MMP17: variants seen among roughly 807,000 people sequenced by gnomAD.
MMP17 encodes matrix metalloproteinase-17.
In MMP17, 54 loss-of-function variants were observed where a neutral mutation model predicts 49.1. The ratio of observed to expected loss-of-function variants is 1.10; its 90% CI spans 0.88 to 1.38. The LOEUF is 1.38. Among genes scored for constraint, MMP17 ranks in the 40% most tolerant of loss-of-function variants. The pLI is 0.00. For missense variants in MMP17, 837 were observed against 853.7 expected (o/e 0.98, Z 0.24); for synonymous variants, 397 against 383.1 (o/e 1.04, Z -0.42).
intron 3 of MMP17, chr12:131,839,930 A>G (rs779285192): frequency 1.3e-5 from 2 of 152,168 alleles, no homozygotes; most frequent in Non-Finnish European, 2.9e-5. Flanking sequence ...CCTGGGAAAC[A>G]TAGTGAGACT....
In MMP17 at chr12:131,846,789, C is replaced by T. The variant is rs924809718; in HGVS notation, c.1204+1340C>T. Among the ~76,000 whole-genome samples, 1 of 152,196 alleles carries T rather than the reference C, an allele frequency of 6.6e-6. No individual in the cohort carries two copies. The highest frequency in any genetic ancestry group is 2.4e-5 in the African/African-American group (1 of 41,456). ...GTGAGTTTGGAGGACGTCATTCAAT[C>T]CAATGTGGCAGCCACTCCCACAGTC... On this transcript the variant is annotated intron_variant, in intron 8 of 9. Coordinates refer to ENST00000360564, the MANE Select transcript of MMP17 (RefSeq NM_016155.7). This position sits in a 1 kb window ranked among gnomAD's most constrained non-coding sequence, Gnocchi z 4.6.
chr12:131,828,460 A>AC lies in MMP17; in HGVS notation c.-32dup. The AC allele has an allele frequency of 1.0e-6, 1 of 986,368 alleles. No individual in the cohort carries two copies. The highest frequency in any genetic ancestry group is 1.2e-6 in the Non-Finnish European group (1 of 830,584). 61.1% of individuals were successfully genotyped at this position (986,368 alleles called of 1,614,324 possible). A position where few individuals can be genotyped will look rare whatever the true frequency, so the allele number is the denominator to read the frequency against. On this transcript the variant is annotated 5_prime_UTR_variant, in exon 1 of 10. Transcript: ENST00000360564. ...CGGAACGCGAAGCGGAGGGCGCGGG[A>AC]CCCTGCACGCCGCCCGCGGGCCCAT...
At chr12:131,848,382 G>T (rs191249009) in intron 8 of MMP17, among the ~76,000 whole-genome samples, 1 of 152,126 alleles carries the variant, frequency 6.6e-6, no homozygotes, top group Non-Finnish European at 1.5e-5. Flanking sequence ...CACCACTCCC[G>T]GTCTGGTTTT....
intron 4 of MMP17, 149 bp from the exon 5 acceptor site, chr12:131,841,475 T>C (rs1367136568): frequency 1.2e-6 from 1 of 829,674 alleles, no homozygotes; most frequent in Admixed American, 2.3e-5. Flanking sequence ...ATCGCGTTAA[T>C]TCCCAGTAAC....
intron 1 of MMP17, among the ~76,000 whole-genome samples, chr12:131,832,483 G>A (rs910080437): frequency 2.0e-5 from 3 of 152,068 alleles, no homozygotes; most frequent in South Asian, 2.1e-4. Flanking sequence ...TTGCGCATGC[G>A]TGAGTTTGCC....
intron 8 of MMP17, among the ~76,000 whole-genome samples, chr12:131,845,990 C>A (rs1398633024): frequency 6.6e-6 from 1 of 152,122 alleles, no homozygotes; most frequent in Admixed American, 6.6e-5. Flanking sequence ...GGCCCCGGTG[C>A]CCACCGTTCC....
At position 131,849,843 on chromosome 12, in the gene MMP17, G is replaced by A; in HGVS notation, c.1246G>A (p.Gly416Arg). ...GTTCAAGGACAATAACGTAGAGGAA[G>A]GATACCCGCGCCCCGTCTCCGACTT... ...WVFKDNNVEE[G>R]YPRPVSDFSL... is the part of the protein sequence containing the mutation. Residue 416 changes from glycine (G) to arginine (R), a missense_variant, in exon 9 of 10, where the codon GGA becomes AGA. Gly to Arg is a moderately radical substitution (Grantham distance 125, BLOSUM62 -2). Transcript: ENST00000360564. The A allele has an allele frequency of 5.6e-6, 9 of 1,613,972 alleles. No homozygotes were observed. The highest frequency in any genetic ancestry group is 7.6e-6 in the Non-Finnish European group (9 of 1,179,990).
chr12:131,841,071 G>A (rs894985402), intron 4 of MMP17, among the ~76,000 whole-genome samples: 1 of 152,240 alleles, frequency 6.6e-6, no homozygotes, highest in African/African-American at 2.4e-5. Context: ...CAGGGACACC[G>A]CTGGCTGAGC....
At chr12:131,842,108 T>A (rs1887447732) in intron 5 of MMP17, among the ~76,000 whole-genome samples, 1 of 152,212 alleles carries the variant, frequency 6.6e-6, no homozygotes, top group Non-Finnish European at 1.5e-5. Context: ...TGTGGCCATA[T>A]AAGGTAGGAC....
At position 131,828,471 on chromosome 12, in the gene MMP17, C is replaced by T; in HGVS notation, c.-24C>T. The stretch of plus-strand genomic sequence containing the variant: ...GCGGAGGGCGCGGGACCCTGCACGC[C>T]GCCCGCGGGCCCATGTGAGCGCCAT... On this transcript the variant is annotated 5_prime_UTR_variant, in exon 1 of 10. Coordinates refer to ENST00000360564, the MANE Select transcript of MMP17 (RefSeq NM_016155.7). 1 of 990,970 alleles carries T rather than the reference C, an allele frequency of 1.0e-6. No individual in the cohort carries two copies. Among genetic ancestry groups the T allele is most frequent in the Non-Finnish European group, 1.2e-6 (1 of 834,356 alleles). The allele number at this position is 990,970 out of a possible 1,614,324, so 61.4% of individuals were successfully genotyped here.
rs1357941090 is a variant in MMP17, at chr12:131,848,537, C to T, written c.1205-1265C>T. Among the ~76,000 whole-genome samples, 14 of 151,008 alleles carry T rather than the reference C, an allele frequency of 9.3e-5. No individual in the cohort carries two copies. In the East Asian group the frequency reaches 1.7e-3, roughly 19 times the overall value. ...TCCCGAAGATTTCCACCTTCCCAAA[C>T]GGAAACGCTGCCCCGTGAAACACGG... On this transcript the variant is annotated intron_variant, in intron 8 of 9. Coordinates refer to ENST00000360564, the MANE Select transcript of MMP17 (RefSeq NM_016155.7).
intron 9 of MMP17, 111 bp downstream of exon 9, chr12:131,850,170 G>C: frequency 7.2e-7 from 1 of 1,395,990 alleles, no homozygotes; most frequent in Non-Finnish European, 9.5e-7. Context: ...GCCCCGGTCG[G>C]TGTGGGCTCT....
At chr12:131,832,708 G>T (rs546452642) in intron 1 of MMP17, among the ~76,000 whole-genome samples, 1 of 152,088 alleles carries the variant, frequency 6.6e-6, no homozygotes, top group African/African-American at 2.4e-5. Context: ...ACAGGACGGG[G>T]TGTGGAGCCT....
intron 3 of MMP17, chr12:131,840,278 A>T (rs564188256): frequency 1.1e-5 from 4 of 360,456 alleles, no homozygotes; most frequent in African/African-American, 6.1e-5. Flanking sequence ...GGCAGACGGG[A>T]CGCACCGTTG....
At chr12:131,841,572 C>T (rs753060249) in intron 4 of MMP17, 52 bp from the exon 5 acceptor site, 186 of 1,596,284 alleles carry the variant, frequency 1.2e-4, no homozygotes, top group Middle Eastern at 1.9e-4. Context: ...TCCCTCCCCG[C>T]GGGGACAGGG....
chr12:131,849,414 C>T (rs1279810059), intron 8 of MMP17, among the ~76,000 whole-genome samples: 5 of 152,104 alleles, frequency 3.3e-5, no homozygotes, highest in African/African-American at 9.7e-5. Context: ...AACCCAGGGG[C>T]GGAGGTTGCA....
At chr12:131,831,693 C>T (rs1886804489) in intron 1 of MMP17, among the ~76,000 whole-genome samples, 1 of 149,548 alleles carries the variant, frequency 6.7e-6, no homozygotes, top group Admixed American at 6.7e-5. Context: ...TGGACGTGGG[C>T]TTTGCCACCC....
Position 131,841,662 on chromosome 12 carries a change from G to A in MMP17, c.745G>A (p.Glu249Lys), listed in dbSNP as rs755527084. 13 of 1,613,950 alleles carry A rather than the reference G, an allele frequency of 8.1e-6. No individual in the cohort carries two copies. Among genetic ancestry groups the A allele is most frequent in the Non-Finnish European group, 1.1e-5 (13 of 1,180,020 alleles). The change falls in exon 5 of 10, where the codon GAG (glutamate) becomes AAG (lysine). Residue 249 changes from glutamate to lysine, a missense_variant. Coordinates refer to ENST00000360564, the MANE Select transcript of MMP17 (RefSeq NM_016155.7). ...GMDLFAVAVH[E>K]FGHAIGLSHV... Reference sequence around the variant, plus strand: ...GGACCTGTTTGCAGTGGCTGTCCACGAGTTTGGCCACGCCATTGGGTTAAG... The same window carrying A: ...GGACCTGTTTGCAGTGGCTGTCCACAAGTTTGGCCACGCCATTGGGTTAAG...
At position 131,845,399 on chromosome 12, in the gene MMP17, T is replaced by C. The variant is rs371779544; in HGVS notation, c.1154T>C (p.Val385Ala). 1.9e-6 allele frequency: 3 copies of C among 1,591,972 alleles called. No homozygotes were observed. Among genetic ancestry groups the C allele is most frequent in the Non-Finnish European group, 2.6e-6 (3 of 1,171,982 alleles). The change falls in exon 8 of 10, where the codon GTG (valine) becomes GCG (alanine). Residue 385 changes from valine (V) to alanine (A), a missense_variant. Val to Ala is a moderately conservative substitution (Grantham distance 64). Transcript: ENST00000360564. ...GGCCTGCCGCTGCACCTGGACAGCGTGGACGCCGTGTACGAGCGCACCAGC... is the reference window on the plus strand; with the variant it reads ...GGCCTGCCGCTGCACCTGGACAGCGCGGACGCCGTGTACGAGCGCACCAGC... ...WRGLPLHLDS[V>A]DAVYERTSDH...
Sources: gnomAD v4.1 joint callset for allele counts (sites outside exome capture counted in the v4.1 genomes callset) on GRCh38, gnomAD v4.1.1 for gene constraint, Gnocchi (gnomAD v3.1) non-coding constraint, MANE v1.5 for transcripts, NCBI Gene and HGNC (gene_info 2026-07-23, HGNC 2026-07-21) for gene names.